The following ARHGAP15 variants were observed in gnomAD, a reference collection of about 807,000 sequenced individuals.
ARHGAP15 encodes rho GTPase-activating protein 15.
Under a neutral mutation model 63.7 loss-of-function variants are expected in ARHGAP15, and 51 were observed. The observed-to-expected ratio is 0.80, with a 90% confidence interval of 0.64 to 1.01. The LOEUF (loss-of-function observed/expected upper bound fraction) is 1.01. ARHGAP15 is among the 50% of genes least tolerant of loss of function. The pLI is 0.00. For synonymous variants in ARHGAP15, 191 were observed against 193.8 expected (o/e 0.99, Z 0.12); for missense variants, 560 against 564.6 (o/e 0.99, Z 0.08).
chr2:143,701,148 C>G (rs1684071865), intron 12 of ARHGAP15, among the ~76,000 whole-genome samples: 1 of 152,096 alleles, frequency 6.6e-6, no homozygotes, highest in Non-Finnish European at 1.5e-5. Flanking sequence ...AAAAGAAAAG[C>G]TTCCAAGCAG....
intron 6 of ARHGAP15, among the ~76,000 whole-genome samples, chr2:143,348,668 G>A (rs553460014): frequency 6.6e-6 from 1 of 152,248 alleles, no homozygotes; most frequent in South Asian, 2.1e-4. Context: ...CAGCAAACTA[G>A]AGGTACACGT....
chr2:143,203,173 G>T (rs184027465), intron 3 of ARHGAP15, among the ~76,000 whole-genome samples: 96 of 152,032 alleles, frequency 6.3e-4, no homozygotes, highest in African/African-American at 2.2e-3. Context: ...CCCATCCTTA[G>T]CACCAACAAT....
intron 13 of ARHGAP15, among the ~76,000 whole-genome samples, chr2:143,749,705 A>G (rs1686298273): frequency 6.6e-6 from 1 of 152,238 alleles, no homozygotes; most frequent in African/African-American, 2.4e-5. Flanking sequence ...TTTAATAATC[A>G]TAACACATTA....
intron 13 of ARHGAP15, among the ~76,000 whole-genome samples, chr2:143,753,491 T>C (rs1056196151): frequency 1.3e-5 from 2 of 152,164 alleles, no homozygotes; most frequent in African/African-American, 4.8e-5. Context: ...TACCGGACGA[T>C]AGAATCATGA....
At chr2:143,476,968 C>A (rs998485644) in intron 8 of ARHGAP15, among the ~76,000 whole-genome samples, 1 of 152,128 alleles carries the variant, frequency 6.6e-6, no homozygotes, top group African/African-American at 2.4e-5. Flanking sequence ...ATGATGTGAG[C>A]CAATCAATAG....
At chr2:143,432,105 AC>A (rs1689414620) in intron 6 of ARHGAP15, among the ~76,000 whole-genome samples, 1 of 152,084 alleles carries the variant, frequency 6.6e-6, no homozygotes, top group African/African-American at 2.4e-5. Flanking sequence ...TACAATGTTT[AC>A]TTTGTGTAGC....
At chr2:143,644,308 C>A (rs111781704) in intron 12 of ARHGAP15, among the ~76,000 whole-genome samples, 1 of 152,008 alleles carries the variant, frequency 6.6e-6, no homozygotes, top group African/African-American at 2.4e-5. Flanking sequence ...TATGACATTC[C>A]TTCCTCTGGG....
At chr2:143,541,525 T>C (rs1423841923) in intron 10 of ARHGAP15, among the ~76,000 whole-genome samples, 3 of 152,208 alleles carry the variant, frequency 2.0e-5, no homozygotes, top group Admixed American at 1.3e-4. Context: ...CCTTTGGTCT[T>C]TGATGGTGGT....
intron 11 of ARHGAP15, among the ~76,000 whole-genome samples, chr2:143,616,458 C>A: frequency 6.6e-6 from 1 of 152,268 alleles, no homozygotes; most frequent in East Asian, 1.9e-4. Flanking sequence ...CTGTGACATG[C>A]GCATGCTTTG....
At chr2:143,393,190 C>T (rs549913099) in intron 6 of ARHGAP15, among the ~76,000 whole-genome samples, 2 of 152,072 alleles carry the variant, frequency 1.3e-5, no homozygotes, top group South Asian at 2.1e-4. Context: ...AAGCTAGCTT[C>T]CTCTCTCTTT....
chr2:143,501,774 A>G (rs1693074587), intron 9 of ARHGAP15, among the ~76,000 whole-genome samples: 1 of 152,256 alleles, frequency 6.6e-6, no homozygotes, highest in African/African-American at 2.4e-5. Context: ...TTGAGATGCC[A>G]CAGTGATATG....
intron 3 of ARHGAP15, among the ~76,000 whole-genome samples, chr2:143,213,550 A>G (rs1280633039): frequency 2.6e-5 from 4 of 152,154 alleles, no homozygotes; most frequent in African/African-American, 9.6e-5. Context: ...AAGGAAAATA[A>G]ACACCTGATC....
intron 2 of ARHGAP15, among the ~76,000 whole-genome samples, chr2:143,159,923 T>G (rs560494732): frequency 6.6e-6 from 1 of 152,088 alleles, no homozygotes; most frequent in African/African-American, 2.4e-5. Context: ...TATTTTAATG[T>G]GTCCTATTTA....
chr2:143,191,750 C>T (rs1329787911), intron 2 of ARHGAP15, among the ~76,000 whole-genome samples: 1 of 152,146 alleles, frequency 6.6e-6, no homozygotes, highest in Non-Finnish European at 1.5e-5. Context: ...ACCAGAAACT[C>T]CTAACTCCCA....
chr2:143,165,978 G>GAAAT (rs1370547112), intron 2 of ARHGAP15, among the ~76,000 whole-genome samples: 14 of 116,206 alleles, frequency 1.2e-4, no homozygotes, highest in African/African-American at 4.1e-4. Flanking sequence ...AAGAAAGAAA[G>GAAAT]AAAGAAAGAA....
At chr2:143,647,009 T>C (rs752214010) in intron 12 of ARHGAP15, among the ~76,000 whole-genome samples, 1 of 152,040 alleles carries the variant, frequency 6.6e-6, no homozygotes, top group Non-Finnish European at 1.5e-5. Flanking sequence ...GCACATTTTC[T>C]GGATGTGAGA....
At chr2:143,321,870 A>G (rs1023146581) in intron 6 of ARHGAP15, among the ~76,000 whole-genome samples, 2 of 152,140 alleles carry the variant, frequency 1.3e-5, no homozygotes, top group Admixed American at 1.3e-4. Flanking sequence ...TTGTGGAGAC[A>G]GGTCTCTATG....
chr2:143,609,335 A>G lies in ARHGAP15; in HGVS notation c.1004-14798A>G, dbSNP rs188603134. Among the ~76,000 whole-genome samples the G allele has an allele frequency of 5.0e-4, 76 of 152,294 alleles. 1 individual carries two copies. The South Asian group carries it at 0.011, about 21-fold the overall frequency. The stretch of plus-strand genomic sequence containing the variant: ...CTTTTAAATGGTACAAAATACATGC[A>G]GCATCTGGGCACAACAAGGCATGTT... On this transcript the variant is annotated intron_variant, in intron 11 of 13. Transcript: ENST00000295095.
chr2:143,155,699 A>C, intron 2 of ARHGAP15, 44 bp downstream of exon 2: 1 of 1,490,432 alleles, frequency 6.7e-7, no homozygotes, highest in Non-Finnish European at 8.9e-7. Context: ...TGTCATACAG[A>C]ATTTTGTAAA....
Sources: gnomAD v4.1 joint callset for allele counts (sites outside exome capture counted in the v4.1 genomes callset) on GRCh38, gnomAD v4.1.1 for gene constraint, MANE v1.5 for transcripts, NCBI Gene and HGNC (gene_info 2026-07-23, HGNC 2026-07-21) for gene names.